The following ELAVL4 variants were observed in gnomAD, a reference collection of about 807,000 sequenced individuals.
ELAVL4 encodes the protein ELAV-like protein 4.
ELAVL4 carries 1 observed loss-of-function variant against 35.6 expected under a neutral mutation model. The observed-to-expected ratio is 0.03, with a 90% CI of 0.01 to 0.13. The LOEUF is 0.13. ELAVL4 is among the 10% of genes least tolerant of loss of function. The pLI is 1.00. For synonymous variants in ELAVL4, 156 were observed against 171.0 expected (o/e 0.91, Z 0.69); for missense variants, 267 against 464.9 (o/e 0.57, Z 3.91).
At chr1:50,104,308 A>G (rs919118951), upstream of ELAVL4, among the ~76,000 whole-genome samples, 1 of 152,236 alleles carries the variant, frequency 6.6e-6, no homozygotes, top group African/African-American at 2.4e-5. Flanking sequence ...TTTATTTACT[A>G]GGCTGATTAC....
Position 50,109,032 on chromosome 1 carries a change from C to CCAAAAAA in ELAVL4, c.-158_-157insCAAAAAA. The CCAAAAAA allele has an allele frequency of 1.0e-6, 1 of 978,422 alleles. No individual in the cohort carries two copies. Among genetic ancestry groups the CCAAAAAA allele is most frequent in the Non-Finnish European group, 1.2e-6 (1 of 824,086 alleles). 60.6% of individuals were successfully genotyped at this position (978,422 alleles called of 1,614,324 possible). A position where few individuals can be genotyped will look rare whatever the true frequency, so the allele number is the denominator to read the frequency against. The stretch of plus-strand genomic sequence containing the variant: ...TCTTTCTCTCCCCCGCCCACCCCCC[C>CCAAAAAA]AAAAATAATTGATTTGCTTTACAAT... On this transcript the variant is annotated 5_prime_UTR_variant, in exon 1 of 7. Transcript: ENST00000371824.
At chr1:50,197,389 C>A (rs1572633599) in intron 5 of ELAVL4, 40 bp from the exon 6 acceptor site, 1 of 1,552,782 alleles carries the variant, frequency 6.4e-7, no homozygotes. Context: ...ATCTTGCCAT[C>A]TGTGAGGCAT....
intron 1 of ELAVL4, among the ~76,000 whole-genome samples, chr1:50,141,440 G>T (rs1672802117): frequency 6.6e-6 from 1 of 152,146 alleles, no homozygotes; most frequent in African/African-American, 2.4e-5. Flanking sequence ...AGTTGGCAGT[G>T]CTTCTTATGT....
intron 1 of ELAVL4, among the ~76,000 whole-genome samples, chr1:50,123,406 T>C (rs1171638425): frequency 6.6e-6 from 1 of 152,064 alleles, no homozygotes; most frequent in Non-Finnish European, 1.5e-5. Context: ...GAAGTGGTGA[T>C]ATACTACACT....
chr1:50,075,726 A>C (rs1664729845), intron 1 of ELAVL4, among the ~76,000 whole-genome samples: 1 of 152,198 alleles, frequency 6.6e-6, no homozygotes, highest in Non-Finnish European at 1.5e-5. Flanking sequence ...CCCTCGACTT[A>C]ACAGTGGGGC....
At chr1:50,048,223 C>A (rs1455012399) in intron 1 of ELAVL4, 2 of 1,491,234 alleles carry the variant, frequency 1.3e-6, no homozygotes, top group African/African-American at 1.4e-5. Context: ...CCCGACTCTG[C>A]CCGCCCTCTG....
At chr1:50,107,008 A>C (rs1015720715), upstream of ELAVL4, among the ~76,000 whole-genome samples, 1 of 152,202 alleles carries the variant, frequency 6.6e-6, no homozygotes, top group African/African-American at 2.4e-5. Context: ...ATTTTGTTCC[A>C]AGTGAGCTGT....
intron 2 of ELAVL4, among the ~76,000 whole-genome samples, chr1:50,148,038 T>C (rs1674050537): frequency 6.6e-6 from 1 of 152,222 alleles, no homozygotes; most frequent in Non-Finnish European, 1.5e-5. Flanking sequence ...AAGTGTTATG[T>C]GCTGGGGACA....
chr1:50,114,239 T>G (rs1667563529), intron 1 of ELAVL4, among the ~76,000 whole-genome samples: 3 of 151,928 alleles, frequency 2.0e-5, no homozygotes, highest in African/African-American at 7.3e-5. Flanking sequence ...TGTATATGTA[T>G]GGGGGGCGGT....
intron 1 of ELAVL4, among the ~76,000 whole-genome samples, chr1:50,085,036 G>A (rs529171592): frequency 6.6e-6 from 1 of 152,124 alleles, no homozygotes; most frequent in Non-Finnish European, 1.5e-5. Context: ...AGATCAAAGT[G>A]TAGGAACATT....
intron 2 of ELAVL4, among the ~76,000 whole-genome samples, chr1:50,165,814 A>G (rs561486532): frequency 7.0e-4 from 105 of 150,694 alleles, no homozygotes; most frequent in South Asian, 1.5e-3. Context: ...GTGTGTGTGT[A>G]TATATATATG....
At chr1:50,057,753 G>A (rs879826095) in intron 1 of ELAVL4, among the ~76,000 whole-genome samples, 1 of 152,128 alleles carries the variant, frequency 6.6e-6, no homozygotes, top group South Asian at 2.1e-4. Context: ...TGTGATGTTT[G>A]CATGATGACA....
At chr1:50,107,326 A>G (rs1354172213), upstream of ELAVL4, among the ~76,000 whole-genome samples, 1 of 152,178 alleles carries the variant, frequency 6.6e-6, no homozygotes, top group Non-Finnish European at 1.5e-5. Context: ...GTACTTTTCT[A>G]TTTCATGTAT....
chr1:50,053,374 G>A (rs1319927250), intron 1 of ELAVL4, among the ~76,000 whole-genome samples: 2 of 152,028 alleles, frequency 1.3e-5, no homozygotes, highest in East Asian at 1.9e-4. Context: ...TTTTTGAGAC[G>A]GTCTTGCTCT....
At position 50,109,015 on chromosome 1, in the gene ELAVL4, T is replaced by TCCA; in HGVS notation, c.-173_-172insACC. 1 of 961,076 alleles carries TCCA rather than the reference T, an allele frequency of 1.0e-6. No homozygotes were observed. 59.5% of individuals were successfully genotyped at this position (961,076 alleles called of 1,614,324 possible). A position where few individuals can be genotyped will look rare whatever the true frequency, so the allele number is the denominator to read the frequency against. On this transcript the variant is annotated 5_prime_UTR_variant, in exon 1 of 7. Coordinates refer to ENST00000371824, the MANE Select transcript of ELAVL4 (RefSeq NM_001144774.3). ...GCTCCTTTTCTTTTTTTTCTTTCTC[T>TCCA]CCCCCGCCCACCCCCCCAAAAATAA...
chr1:50,089,806 T>C (rs1665410530), intron 1 of ELAVL4, among the ~76,000 whole-genome samples: 1 of 152,162 alleles, frequency 6.6e-6, no homozygotes. Flanking sequence ...CTTTCTGTTT[T>C]TAGCGTGGGC....
chr1:50,163,521 G>A (rs1408957610), intron 2 of ELAVL4, among the ~76,000 whole-genome samples: 1 of 152,060 alleles, frequency 6.6e-6, no homozygotes, highest in African/African-American at 2.4e-5. Flanking sequence ...ACTTGGAGTT[G>A]GTACTAGAAA....
chr1:50,194,585 T>C (rs1683146781), intron 4 of ELAVL4, among the ~76,000 whole-genome samples: 1 of 152,228 alleles, frequency 6.6e-6, no homozygotes, highest in South Asian at 2.1e-4. Flanking sequence ...ATGTGATTCA[T>C]GAGACAAACC....
intron 2 of ELAVL4, among the ~76,000 whole-genome samples, chr1:50,164,565 G>T (rs769584008): frequency 1.2e-4 from 18 of 152,204 alleles, no homozygotes; most frequent in Non-Finnish European, 2.2e-4. Context: ...GGAAGCCTAG[G>T]TGGAAGGATT....
Sources: allele counts gnomAD v4.1 joint callset (sites outside exome capture counted in the v4.1 genomes callset), GRCh38; gene constraint gnomAD v4.1.1; transcripts MANE v1.5; gene names NCBI Gene and HGNC (gene_info 2026-07-23, HGNC 2026-07-21).